RERE: variants seen among roughly 807,000 people sequenced by gnomAD.
RERE encodes arginine-glutamic acid dipeptide repeats.
Under a neutral mutation model 146.1 loss-of-function variants are expected in RERE, and 40 were observed. That is an observed-to-expected ratio of 0.27 (90% CI 0.21 to 0.36). The LOEUF is 0.36. Among genes scored for constraint, RERE ranks in the 10% least tolerant of loss-of-function variants. RERE has a pLI of 1.00. For missense variants in RERE, 1,933 were observed against 2,138.7 expected, an observed-to-expected ratio of 0.90 and a Z score of 1.90; for synonymous variants, 1,003 against 866.0, an observed-to-expected ratio of 1.16 and a Z score of -2.78.
chr1:8,639,493 T>C (rs1296592233), intron 2 of RERE, among the ~76,000 whole-genome samples: 1 of 152,162 alleles, frequency 6.6e-6, no homozygotes, highest in African/African-American at 2.4e-5. Context: ...CAACCAAATA[T>C]CTTCCAGCCA....
At chr1:8,379,411 G>C (rs1277300323) in intron 12 of RERE, among the ~76,000 whole-genome samples, 1 of 152,168 alleles carries the variant, frequency 6.6e-6, no homozygotes, top group East Asian at 1.9e-4. Context: ...GTGGTTCCAG[G>C]GGTTTCCAAG....
At chr1:8,544,046 A>T (rs1446679341) in intron 6 of RERE, among the ~76,000 whole-genome samples, 5 of 152,212 alleles carry the variant, frequency 3.3e-5, no homozygotes, top group Non-Finnish European at 7.3e-5. Context: ...AATGTCTCTC[A>T]TGTGTTCCTA....
rs563414150 is a variant in RERE at position 8,806,572 on chromosome 1, T to C, written c.-145+10588A>G. ...CTAAGTATGCCTTGGGGTCAAGCGA[T>C]TAAGCCAAATCTCCCTTATCTCTAC... On this transcript the variant is annotated intron_variant, in intron 1 of 22. Coordinates refer to ENST00000400908, the MANE Select transcript of RERE (RefSeq NM_001042681.2). Among the ~76,000 whole-genome samples, 39 of 152,252 alleles carry C rather than the reference T, an allele frequency of 2.6e-4. No homozygotes were observed. The East Asian group carries it at 7.1e-3, about 28-fold the overall frequency.
rs1254480559 is a variant in RERE, at chr1:8,812,767, T to C, written c.-145+4393A>G. ...GTACAGACACACAGTACATCTTATA[T>C]TACTTGGCACACCAACAAGTTAGCT... On this transcript the variant is annotated intron_variant, in intron 1 of 22. Transcript: ENST00000400908. 2.0e-5 allele frequency among the ~76,000 whole-genome samples: 3 copies of C among 152,204 alleles called. No individual in the cohort carries two copies. The East Asian group carries it at 5.8e-4, about 29-fold the overall frequency.
intron 7 of RERE, among the ~76,000 whole-genome samples, chr1:8,527,436 A>G (rs901218000): frequency 4.6e-5 from 7 of 152,210 alleles, no homozygotes; most frequent in African/African-American, 1.7e-4. Flanking sequence ...AAAAGTGTAT[A>G]TATTAAAAAA....
At chr1:8,514,567 TA>T (rs1645387220) in intron 7 of RERE, among the ~76,000 whole-genome samples, 1 of 151,936 alleles carries the variant, frequency 6.6e-6, no homozygotes, top group South Asian at 2.1e-4. Context: ...CCATCCCTAC[TA>T]AAAACACAAA....
At chr1:8,496,372 G>T (rs1645045932) in intron 9 of RERE, among the ~76,000 whole-genome samples, 1 of 152,020 alleles carries the variant, frequency 6.6e-6, no homozygotes, top group Non-Finnish European at 1.5e-5. Context: ...AGCTACTCAG[G>T]AGGCTGAGGC....
chr1:8,450,218 A>G (rs547484456), intron 11 of RERE, among the ~76,000 whole-genome samples: 49 of 152,084 alleles, frequency 3.2e-4, no homozygotes, highest in African/African-American at 1.0e-3. Context: ...CTTAGTCTAC[A>G]TAGTCTTCCA....
At chr1:8,683,946 T>C (rs1376603339) in intron 1 of RERE, among the ~76,000 whole-genome samples, 2 of 152,020 alleles carry the variant, frequency 1.3e-5, no homozygotes, top group African/African-American at 4.8e-5. Context: ...CCATCTCAAA[T>C]CAATCAATCA....
intron 1 of RERE, among the ~76,000 whole-genome samples, chr1:8,763,798 G>T (rs1161564911): frequency 6.6e-6 from 1 of 151,986 alleles, no homozygotes; most frequent in Non-Finnish European, 1.5e-5. Context: ...AATTAGCCGG[G>T]TGTGGTGGCA....
chr1:8,652,727 G>A (rs1318817746), intron 2 of RERE, among the ~76,000 whole-genome samples: 1 of 152,186 alleles, frequency 6.6e-6, no homozygotes, highest in Admixed American at 6.5e-5. Flanking sequence ...CATGATGGCG[G>A]AAACTGCCCC....
chr1:8,628,513 T>A (rs1647000233), intron 2 of RERE, among the ~76,000 whole-genome samples: 1 of 152,172 alleles, frequency 6.6e-6, no homozygotes, highest in Non-Finnish European at 1.5e-5. Flanking sequence ...AATATTAGGA[T>A]GACCCAACAA....
At chr1:8,793,174 A>AAAAAAAAAAAAAAAAAG (rs756022312) in intron 1 of RERE, among the ~76,000 whole-genome samples, 1 of 127,096 alleles carries the variant, frequency 7.9e-6, no homozygotes, top group Non-Finnish European at 1.6e-5. Flanking sequence ...AAAAAAAAAA[A>AAAAAAAAAAAAAAAAAG]AAAGAAAGAA....
At chr1:8,728,524 G>A (rs1227155149) in intron 1 of RERE, among the ~76,000 whole-genome samples, 1 of 151,396 alleles carries the variant, frequency 6.6e-6, no homozygotes, top group Admixed American at 6.6e-5. Flanking sequence ...TTCTTTTTAG[G>A]GGATTAGTAG....
At chr1:8,611,042 A>C (rs1263906556) in intron 4 of RERE, among the ~76,000 whole-genome samples, 2 of 152,044 alleles carry the variant, frequency 1.3e-5, no homozygotes, top group Non-Finnish European at 2.9e-5. Flanking sequence ...AAAATACAAA[A>C]AAAATTGCCA....
At position 8,381,121 on chromosome 1, in the gene RERE, G is replaced by A. The variant is rs757467375; in HGVS notation, c.1285-15147C>T. The A allele has an allele frequency of 7.9e-5, 31 of 393,864 alleles. No homozygotes were observed. In the Admixed American group the frequency reaches 8.0e-4, roughly 10 times the overall value. 24.4% of individuals were successfully genotyped at this position (393,864 alleles called of 1,614,324 possible). A position where few individuals can be genotyped will look rare whatever the true frequency, so the allele number is the denominator to read the frequency against. On this transcript the variant is annotated intron_variant, in intron 12 of 22. Coordinates refer to ENST00000400908, the MANE Select transcript of RERE (RefSeq NM_001042681.2). Reference sequence around the variant, plus strand: ...TCATACACACTTTACTGACCCATAGGAAGCGAGTTTCCGATGCGCCTGTTT... The same window carrying A: ...TCATACACACTTTACTGACCCATAGAAAGCGAGTTTCCGATGCGCCTGTTT...
chr1:8,747,535 CAT>C (rs1030857680), intron 1 of RERE, among the ~76,000 whole-genome samples: 7 of 152,008 alleles, frequency 4.6e-5, no homozygotes, highest in Non-Finnish European at 7.4e-5. Flanking sequence ...TAAATCAACA[CAT>C]GATATTCATA....
intron 5 of RERE, 37 bp downstream of exon 5, chr1:8,557,381 A>G: frequency 7.4e-7 from 1 of 1,355,076 alleles, no homozygotes; most frequent in Non-Finnish European, 1.1e-6. Flanking sequence ...GCCCAAAGCT[A>G]AGAAACACAC....
chr1:8,529,287 C>CTTTTTTTTTTTTTTTTTT (rs34547801), intron 7 of RERE, among the ~76,000 whole-genome samples: 17 of 102,438 alleles, frequency 1.7e-4, no homozygotes, highest in African/African-American at 6.5e-4. Flanking sequence ...GTTCTCCCTT[C>CTTTTTTTTTTTTTTTTTT]TTTTTTTTTT....
Sources: allele counts gnomAD v4.1 joint callset (sites outside exome capture counted in the v4.1 genomes callset), GRCh38; gene constraint gnomAD v4.1.1; transcripts MANE v1.5; gene names NCBI Gene and HGNC (gene_info 2026-07-23, HGNC 2026-07-21).